Variants in KIDINS220 observed in about 807,000 individuals in gnomAD.
KIDINS220 encodes kinase D interacting substrate 220.
KIDINS220 carries 63 observed loss-of-function variants against 157.6 expected under a neutral mutation model. That is an observed-to-expected ratio of 0.40 (90% CI 0.33 to 0.49). The LOEUF (loss-of-function observed/expected upper bound fraction) is 0.49, where lower values mean the gene tolerates loss of function less well. Among genes scored for constraint, KIDINS220 ranks in the 20% least tolerant of loss-of-function variants. The probability of loss-of-function intolerance (pLI) is 0.66; values close to 1 mark genes in which losing one functional copy is unlikely to be tolerated. For synonymous variants in KIDINS220, 732 were observed against 783.6 expected (o/e 0.93, Z 1.10); for missense variants, 1,772 against 2,171.2 (o/e 0.82, Z 3.65).
intron 7 of KIDINS220, 97 bp from the exon 8 acceptor site, chr2:8,803,224 T>C (rs1423431625): frequency 1.6e-5 from 17 of 1,032,090 alleles, no homozygotes; most frequent in Non-Finnish European, 2.3e-5. Flanking sequence ...ATAAAACTAA[T>C]GTTTTCAAAT....
intron 26 of KIDINS220, among the ~76,000 whole-genome samples, chr2:8,744,016 T>C (rs1258147817): frequency 6.7e-6 from 1 of 149,948 alleles, no homozygotes; most frequent in Non-Finnish European, 1.5e-5. Context: ...GGCTTATAGA[T>C]ATATCCAACT....
intron 22 of KIDINS220, among the ~76,000 whole-genome samples, chr2:8,768,562 C>T (rs568808489): frequency 2.6e-5 from 4 of 152,076 alleles, no homozygotes; most frequent in African/African-American, 9.6e-5. Context: ...TAAAAATAAA[C>T]GAGGCTTTTT....
chr2:8,793,792 GC>G lies in KIDINS220; in HGVS notation c.1276+17del, dbSNP rs1371559456. On this transcript the variant is annotated intron_variant, in intron 12 of 29. Coordinates refer to ENST00000256707, the MANE Select transcript of KIDINS220 (RefSeq NM_020738.4). ...TGATTATTTAAAAGCTCAGTTAGGA[GC>G]AAAACTCAATACTTACTGGCTCCAA... 2 of 1,566,050 alleles carry G rather than the reference GC, an allele frequency of 1.3e-6. No individual in the cohort carries two copies. Among genetic ancestry groups the G allele is most frequent in the Admixed American group, 3.9e-5 (2 of 51,086 alleles).
intron 17 of KIDINS220, among the ~76,000 whole-genome samples, chr2:8,780,756 CA>C (rs147002496): frequency 0.15 from 21,975 of 147,086 alleles, 1,714 homozygotes; most frequent in Middle Eastern, 0.26. Context: ...GGCAACCACT[CA>C]AAAAAAACAG....
rs1677493165 is a variant in KIDINS220, at chr2:8,818,904, T to A, written c.109-111A>T. Reference sequence around the variant, plus strand: ...TGAATGTATGTTAAGCATTGTTTAGTTGTGTTTACTATATTTAATTTAGAA... The same window carrying A: ...TGAATGTATGTTAAGCATTGTTTAGATGTGTTTACTATATTTAATTTAGAA... On this transcript the variant is annotated intron_variant, in intron 2 of 29. Transcript: ENST00000256707. 3 of 496,458 alleles carry A rather than the reference T, an allele frequency of 6.0e-6. No homozygotes were observed. In the South Asian group the frequency reaches 1.3e-4, roughly 22 times the overall value. 30.8% of individuals were successfully genotyped at this position (496,458 alleles called of 1,614,324 possible). A position where few individuals can be genotyped will look rare whatever the true frequency, so the allele number is the denominator to read the frequency against.
rs1429495941 is a variant in KIDINS220 at position 8,798,210 on chromosome 2, A to C, written c.991T>G (p.Cys331Gly). 3 of 1,595,180 alleles carry C rather than the reference A, an allele frequency of 1.9e-6. No individual in the cohort carries two copies. The Admixed American group carries it at 5.0e-5, about 27-fold the overall frequency. Residue 331 changes from cysteine to glycine, a missense_variant, in exon 10 of 30, where the codon TGC (cysteine) becomes GGC (glycine). By Grantham distance (159) the Cys-to-Gly change is radical. This residue lies in a region of KIDINS220 where 725 missense variants were observed against 1,017.1 expected (regional missense o/e 0.71). Coordinates refer to ENST00000256707, the MANE Select transcript of KIDINS220 (RefSeq NM_020738.4). ...ILQCNPDTEI[C>G]TKDGETPLIK... ...AGAAATGCCATTTATACCTTTGTGC[A>C]TATTTCAGTGTCAGGATTGCACTGT...
Position 8,731,645 on chromosome 2 carries a change from C to T in KIDINS220, c.4391G>A (p.Gly1464Glu), listed in dbSNP as rs1664110117. The stretch of plus-strand genomic sequence containing the variant: ...GGGGGAAGCATCGTTGGTGGAAACC[C>T]CTGATGATGAATAATCGATAACATC... ...RGDVIDYSSSGVSTNDASPLD... is the reference protein window; with the variant it reads ...RGDVIDYSSSEVSTNDASPLD... The change falls in exon 30 of 30, where the codon GGG becomes GAG. Residue 1464 changes from glycine to glutamate, a missense_variant. Gly to Glu is a moderately conservative substitution (Grantham distance 98, BLOSUM62 -2). Coordinates refer to ENST00000256707, the MANE Select transcript of KIDINS220 (RefSeq NM_020738.4). This position sits in a 1 kb window ranked among gnomAD's most constrained non-coding sequence, Gnocchi z 5.2. The T allele has an allele frequency of 6.8e-6, 11 of 1,614,002 alleles. No homozygotes were observed. The highest frequency in any genetic ancestry group is 1.1e-5 in the South Asian group (1 of 91,088).
intron 7 of KIDINS220, among the ~76,000 whole-genome samples, chr2:8,803,744 C>A (rs1272310224): frequency 6.6e-6 from 1 of 151,968 alleles, no homozygotes; most frequent in African/African-American, 2.4e-5. Flanking sequence ...GTACGATGAC[C>A]CACACCTATA....
chr2:8,806,591 C>G (rs1675490115), intron 6 of KIDINS220, among the ~76,000 whole-genome samples: 1 of 151,922 alleles, frequency 6.6e-6, no homozygotes, highest in Non-Finnish European at 1.5e-5. Flanking sequence ...CTTATTTAAC[C>G]TTTTCTTGAG....
At chr2:8,817,348 T>C (rs1418879694) in intron 4 of KIDINS220, among the ~76,000 whole-genome samples, 1 of 152,206 alleles carries the variant, frequency 6.6e-6, no homozygotes, top group Admixed American at 6.5e-5. Context: ...TCCAAAACAT[T>C]GATATATTAA....
chr2:8,777,454 A>G (rs1671117917), intron 20 of KIDINS220, among the ~76,000 whole-genome samples: 1 of 152,102 alleles, frequency 6.6e-6, no homozygotes, highest in South Asian at 2.1e-4. Flanking sequence ...ATGCACCACC[A>G]CATCCAGCTA....
At chr2:8,769,092 AGTTG>A (rs1343391251) in intron 22 of KIDINS220, among the ~76,000 whole-genome samples, 1 of 152,196 alleles carries the variant, frequency 6.6e-6, no homozygotes, top group Non-Finnish European at 1.5e-5. Flanking sequence ...TAAAGTAATG[AGTTG>A]GTTTAATGGC....
intron 17 of KIDINS220, among the ~76,000 whole-genome samples, chr2:8,784,111 T>C (rs566870311): frequency 5.3e-5 from 8 of 151,908 alleles, no homozygotes; most frequent in South Asian, 4.2e-4. Flanking sequence ...ATATAGTCAA[T>C]TGATCTTTGA....
In KIDINS220 at chr2:8,731,893, G is replaced by T. The variant is rs776324339; in HGVS notation, c.4143C>A (p.Ala1381=). The T allele has an allele frequency of 5.0e-6, 8 of 1,613,854 alleles. No homozygotes were observed. In the East Asian group the frequency reaches 1.8e-4, roughly 36 times the overall value. ...ATTCTCTATAGGCATCTCTATACTCGGCCTGCACCTTATCAGTAAGCTTTG... is the reference window on the plus strand; with the variant it reads ...ATTCTCTATAGGCATCTCTATACTCTGCCTGCACCTTATCAGTAAGCTTTG... ...EISKLTDKVQ[A]EYRDAYREYI... The change falls in exon 30 of 30, where the codon GCC becomes GCA. Residue 1381 remains alanine (A), a synonymous_variant. Coordinates refer to ENST00000256707, the MANE Select transcript of KIDINS220 (RefSeq NM_020738.4). This position sits in a 1 kb window ranked among gnomAD's most constrained non-coding sequence, Gnocchi z 5.2.
intron 17 of KIDINS220, among the ~76,000 whole-genome samples, chr2:8,781,153 A>AAATATATAATATATAT (rs1671682387): frequency 7.7e-6 from 1 of 130,410 alleles, no homozygotes; most frequent in Non-Finnish European, 1.6e-5. Context: ...ATATATATAT[A>AAATATATAATATATAT]ATATATATAT....
intron 9 of KIDINS220, 177 bp downstream of exon 9, chr2:8,800,223 T>C: frequency 2.0e-6 from 1 of 488,710 alleles, no homozygotes; most frequent in Non-Finnish European, 3.6e-6. Context: ...TAACTCGACA[T>C]TAATATAGAA....
intron 6 of KIDINS220, among the ~76,000 whole-genome samples, chr2:8,811,211 C>T (rs1232035300): frequency 1.3e-5 from 2 of 151,062 alleles, no homozygotes; most frequent in African/African-American, 2.4e-5. Context: ...AGCTACAATG[C>T]TATAAATGTG....
intron 2 of KIDINS220, among the ~76,000 whole-genome samples, chr2:8,822,836 C>T (rs1201278658): frequency 6.6e-6 from 1 of 151,982 alleles, no homozygotes; most frequent in Non-Finnish European, 1.5e-5. Context: ...CAAAGATTTG[C>T]CATCATTGAG....
chr2:8,788,425 C>T (rs1325013602), intron 15 of KIDINS220, among the ~76,000 whole-genome samples: 13 of 151,992 alleles, frequency 8.6e-5, no homozygotes, highest in South Asian at 8.3e-4. Context: ...TGCGCCATGA[C>T]GCCCCCGCTA....
Sources: allele counts gnomAD v4.1 joint callset (sites outside exome capture counted in the v4.1 genomes callset), GRCh38; gene constraint gnomAD v4.1.1; regional missense constraint gnomAD v4.1.1; non-coding constraint Gnocchi (gnomAD v3.1); transcripts MANE v1.5; gene names NCBI Gene and HGNC (gene_info 2026-07-23, HGNC 2026-07-21).